Variants in VPS13B observed in about 807,000 individuals in gnomAD.
VPS13B encodes vacuolar protein sorting 13 homolog B, also known as intermembrane lipid transfer protein VPS13B.
Under a neutral mutation model 426.4 loss-of-function variants are expected in VPS13B, and 285 were observed. The ratio of observed to expected loss-of-function variants is 0.67; its 90% CI spans 0.61 to 0.74. VPS13B has a LOEUF of 0.74. Among genes scored for constraint, VPS13B ranks in the 30% least tolerant of loss-of-function variants. The pLI is 0.00. For missense variants in VPS13B, 4,537 were observed against 4,782.6 expected (o/e 0.95, Z 1.51); for synonymous variants, 1,676 against 1,676.4 (o/e 1.00, Z 0.01).
chr8:99,593,596 A>T (rs915294081), intron 33 of VPS13B, among the ~76,000 whole-genome samples: 3 of 152,174 alleles, frequency 2.0e-5, no homozygotes, highest in Non-Finnish European at 4.4e-5. Context: ...TGTTATAAAG[A>T]TACATGCACG....
rs377164057 is a variant in VPS13B at position 99,689,487 on chromosome 8, G to A, written c.6047-10038G>A. ...CACTCATCAACAAGGGTCAAGAAGG[G>A]TGTGCTGGCCAAAGTGATCCAAAGT... is the stretch of plus-strand genomic sequence containing the variant. On this transcript the variant is annotated intron_variant, in intron 35 of 61. Coordinates refer to ENST00000357162, the MANE Select transcript of VPS13B (RefSeq NM_152564.5). Among the ~76,000 whole-genome samples the A allele has an allele frequency of 1.2e-4, 19 of 152,166 alleles. 2 individuals are homozygous for A. The highest frequency in any genetic ancestry group is 4.6e-4 in the African/African-American group (19 of 41,502).
chr8:99,786,102 C>A (rs1018578672), intron 43 of VPS13B, among the ~76,000 whole-genome samples: 2 of 152,072 alleles, frequency 1.3e-5, no homozygotes, highest in Non-Finnish European at 2.9e-5. Context: ...CATAAGAGAA[C>A]AACTGGCTCA....
At chr8:99,762,750 A>C (rs1810995255) in intron 39 of VPS13B, among the ~76,000 whole-genome samples, 1 of 152,174 alleles carries the variant, frequency 6.6e-6, no homozygotes, top group Non-Finnish European at 1.5e-5. Flanking sequence ...TATTAAATAA[A>C]ATGCTTTGTC....
intron 8 of VPS13B, among the ~76,000 whole-genome samples, chr8:99,124,044 C>A (rs1365100805): frequency 3.3e-5 from 5 of 151,886 alleles, no homozygotes; most frequent in African/African-American, 1.2e-4. Context: ...GGTTCTAGAG[C>A]CAAGCTCTGA....
intron 30 of VPS13B, among the ~76,000 whole-genome samples, chr8:99,522,356 A>G (rs78863931): frequency 0.061 from 9,281 of 152,256 alleles, 368 homozygotes; most frequent in African/African-American, 0.11. Context: ...TATCACCATC[A>G]GTAAAGTGAA....
intron 2 of VPS13B, among the ~76,000 whole-genome samples, chr8:99,020,516 T>A (rs1468774486): frequency 6.6e-6 from 1 of 152,342 alleles, no homozygotes; most frequent in East Asian, 1.9e-4. Context: ...TTTCTCTCAT[T>A]CATTGTCTGG....
At chr8:99,845,724 C>A (rs186940516) in intron 54 of VPS13B, among the ~76,000 whole-genome samples, 148 of 152,332 alleles carry the variant, frequency 9.7e-4, no homozygotes, top group Middle Eastern at 3.4e-3. Flanking sequence ...CAACAGTCTT[C>A]CACAGCTATC....
chr8:99,429,151 G>T (rs900033134), intron 21 of VPS13B, among the ~76,000 whole-genome samples: 2 of 151,960 alleles, frequency 1.3e-5, no homozygotes, highest in Non-Finnish European at 2.9e-5. Flanking sequence ...GAGTGGGGAG[G>T]GATAGCATTT....
chr8:99,410,439 A>T (rs193129960), intron 21 of VPS13B, among the ~76,000 whole-genome samples: 1 of 152,220 alleles, frequency 6.6e-6, no homozygotes, highest in East Asian at 1.9e-4. Context: ...CTTTGATTTA[A>T]GAATTCTTTC....
At chr8:99,291,647 G>A (rs191733249) in intron 19 of VPS13B, among the ~76,000 whole-genome samples, 49 of 152,170 alleles carry the variant, frequency 3.2e-4, no homozygotes, top group Middle Eastern at 6.8e-3. Flanking sequence ...GAGAAGTTCT[G>A]CTATCCAAAA....
chr8:99,525,971 A>G (rs920445624), intron 30 of VPS13B, among the ~76,000 whole-genome samples: 1 of 152,142 alleles, frequency 6.6e-6, no homozygotes, highest in Non-Finnish European at 1.5e-5. Context: ...AGATCCATAT[A>G]GGTCGTTGTG....
rs60760111 is a variant in VPS13B, at chr8:99,657,470, T to TGTGTGTGTGTGTGTGTGTGTGTG, written c.5909-3884_5909-3883insGTGTGTGTGTGTGTGTGTGTGTG. 1.6e-3 allele frequency among the ~76,000 whole-genome samples: 237 copies of TGTGTGTGTGTGTGTGTGTGTGTG among 147,006 alleles called. 1 individual carries two copies. Among genetic ancestry groups the TGTGTGTGTGTGTGTGTGTGTGTG allele is most frequent in the African/African-American group, 2.5e-3 (101 of 39,728 alleles). On this transcript the variant is annotated intron_variant, in intron 34 of 61. Transcript: ENST00000357162. ...TGATCATTCAGCAGTACTTTAAAAA[T>TGTGTGTGTGTGTGTGTGTGTGTG]TGTGTGTGTGTGTGTGTGTGTGTGT...
intron 39 of VPS13B, among the ~76,000 whole-genome samples, chr8:99,759,213 C>T (rs1231389408): frequency 6.6e-6 from 1 of 152,166 alleles, no homozygotes; most frequent in Non-Finnish European, 1.5e-5. Flanking sequence ...TAACTACTCA[C>T]TCCCATGCAC....
chr8:99,387,195 G>T (rs1814171950), intron 20 of VPS13B, among the ~76,000 whole-genome samples: 1 of 151,978 alleles, frequency 6.6e-6, no homozygotes, highest in South Asian at 2.1e-4. Context: ...TCCAAAATGG[G>T]TATAAAATTT....
At chr8:99,091,193 G>A (rs1253777602) in intron 3 of VPS13B, among the ~76,000 whole-genome samples, 1 of 152,162 alleles carries the variant, frequency 6.6e-6, no homozygotes, top group Non-Finnish European at 1.5e-5. Context: ...CTGGGAAAAT[G>A]ACTCTGGTCC....
intron 19 of VPS13B, among the ~76,000 whole-genome samples, chr8:99,301,136 G>A (rs1436407481): frequency 6.6e-6 from 1 of 151,860 alleles, no homozygotes; most frequent in Admixed American, 6.6e-5. Flanking sequence ...GATCACTTGA[G>A]CCTGAGAGGT....
intron 35 of VPS13B, among the ~76,000 whole-genome samples, chr8:99,675,333 C>T (rs1379146715): frequency 6.6e-6 from 1 of 151,590 alleles, no homozygotes; most frequent in South Asian, 2.1e-4. Context: ...TTAGAATATC[C>T]TTCTATATTC....
chr8:99,174,895 T>A (rs1812546668), intron 16 of VPS13B, among the ~76,000 whole-genome samples: 1 of 152,206 alleles, frequency 6.6e-6, no homozygotes, highest in Non-Finnish European at 1.5e-5. Context: ...TACTGAGCCT[T>A]GAAAGGAGGT....
At chr8:99,467,674 G>T in intron 24 of VPS13B, 40 bp downstream of exon 24, 1 of 1,586,480 alleles carries the variant, frequency 6.3e-7, no homozygotes, top group African/African-American at 1.5e-5. Flanking sequence ...TTAAAGTAAT[G>T]TGATTTAAAA....
Sources: allele counts gnomAD v4.1 joint callset (sites outside exome capture counted in the v4.1 genomes callset), GRCh38; gene constraint gnomAD v4.1.1; transcripts MANE v1.5; gene names NCBI Gene and HGNC (gene_info 2026-07-23, HGNC 2026-07-21).